The following CXADR variants were observed in gnomAD, a reference collection of about 807,000 sequenced individuals.
CXADR encodes CXADR cell adhesion molecule, also known as coxsackievirus and adenovirus receptor.
In CXADR, 20 loss-of-function variants were observed where a neutral mutation model predicts 40.3. That is an observed-to-expected ratio of 0.50 (90% CI 0.35 to 0.72). The LOEUF (loss-of-function observed/expected upper bound fraction) is 0.72. Ranked by LOEUF, CXADR falls within the 30% of genes least tolerant of loss-of-function variation. The pLI is 0.01. For missense variants in CXADR, 332 were observed against 449.1 expected (o/e 0.74, Z 2.36); for synonymous variants, 150 against 161.3 (o/e 0.93, Z 0.53).
In CXADR at chr21:17,518,477, A is replaced by G. The variant is rs1161439375; in HGVS notation, c.43+5305A>G. ...TGTGTCTGTAAAACTTTGGAACCAC[A>G]TAGCTGATTTGTTCAATCTAGTCCA... On this transcript the variant is annotated intron_variant, in intron 1 of 6. Coordinates refer to ENST00000284878, the MANE Select transcript of CXADR (RefSeq NM_001338.5). 1.4e-5 allele frequency: 11 copies of G among 763,120 alleles called. No homozygotes were observed. The African/African-American group carries it at 1.5e-4, about 11-fold the overall frequency. The allele number at this position is 763,120 out of a possible 1,614,324, so 47.3% of individuals were successfully genotyped here. A position where few individuals can be genotyped will look rare whatever the true frequency, so the allele number is the denominator to read the frequency against.
At chr21:17,590,436 ATAG>A (rs2061427076) in intron 7 of CXADR, among the ~76,000 whole-genome samples, 1 of 152,092 alleles carries the variant, frequency 6.6e-6, no homozygotes, top group African/African-American at 2.4e-5. Flanking sequence ...ACAAAGGAAC[ATAG>A]AAGATGGACT....
chr21:17,531,239 C>T (rs998358458), intron 1 of CXADR, among the ~76,000 whole-genome samples: 1 of 151,022 alleles, frequency 6.6e-6, no homozygotes, highest in African/African-American at 2.4e-5. Flanking sequence ...GCGGAGGTTG[C>T]AGTGAGCTGA....
intron 6 of CXADR, among the ~76,000 whole-genome samples, chr21:17,565,104 A>G (rs1296697645): frequency 6.6e-6 from 1 of 152,240 alleles, no homozygotes; most frequent in Non-Finnish European, 1.5e-5. Flanking sequence ...TTGACCAGTG[A>G]TACTAGAATA....
the CXADR span, chr21:17,612,749 G>GT: frequency 6.6e-6 from 1 of 152,512 alleles, no homozygotes. Flanking sequence ...CCCAGACCGT[G>GT]TCCTGGCCGG....
intron 2 of CXADR, among the ~76,000 whole-genome samples, chr21:17,549,805 G>A (rs1441509350): frequency 6.6e-6 from 1 of 152,156 alleles, no homozygotes; most frequent in Admixed American, 6.5e-5. Context: ...TGAACTCTAC[G>A]ACCTTTAGAG....
At chr21:17,625,960 G>A in the CXADR span, among the ~76,000 whole-genome samples, 1 of 152,172 alleles carries the variant, frequency 6.6e-6, no homozygotes, top group Non-Finnish European at 1.5e-5. Flanking sequence ...TGCACTGAGC[G>A]GGAGTCTGAA....
chr21:17,547,032 G>A lies in CXADR; in HGVS notation c.49G>A (p.Ala17Thr), dbSNP rs768087388. Residue 17 changes from alanine to threonine, a missense_variant, in exon 2 of 7, where the codon GCC (alanine) becomes ACC (threonine). Coordinates refer to ENST00000284878, the MANE Select transcript of CXADR (RefSeq NM_001338.5). ...TTGTACATTTCTTTCTCTAGATTTCGCCAGAAGTTTGAGTATCACTACTCC... is the reference window on the plus strand; with the variant it reads ...TTGTACATTTCTTTCTCTAGATTTCACCAGAAGTTTGAGTATCACTACTCC... ...FVLLCGVVDF[A>T]RSLSITTPEE... The A allele has an allele frequency of 3.0e-5, 48 of 1,612,224 alleles. No homozygotes were observed. Among genetic ancestry groups the A allele is most frequent in the East Asian group, 1.3e-4 (6 of 44,882 alleles).
At chr21:17,535,318 G>GCT (rs1479090266) in intron 1 of CXADR, among the ~76,000 whole-genome samples, 11 of 152,040 alleles carry the variant, frequency 7.2e-5, no homozygotes, top group Admixed American at 3.3e-4. Context: ...GTAAATATGA[G>GCT]CTCTCACTAT....
the CXADR span, among the ~76,000 whole-genome samples, chr21:17,604,621 T>C: frequency 6.6e-6 from 1 of 152,194 alleles, no homozygotes; most frequent in East Asian, 1.9e-4. Context: ...AATAAGCTTC[T>C]TGGCAAAGCA....
chr21:17,572,225 G>A (rs1162429966), downstream of CXADR, among the ~76,000 whole-genome samples: 1 of 131,388 alleles, frequency 7.6e-6, no homozygotes, highest in Admixed American at 7.8e-5. Flanking sequence ...AAAAAAATTA[G>A]GCAGGCGTGG....
chr21:17,631,875 G>A, the CXADR span, among the ~76,000 whole-genome samples: 7 of 152,152 alleles, frequency 4.6e-5, no homozygotes, highest in African/African-American at 1.7e-4. Context: ...CTTGAATTTG[G>A]ATCACGGCTC....
At chr21:17,616,556 C>T in the CXADR span, among the ~76,000 whole-genome samples, 6 of 152,012 alleles carry the variant, frequency 3.9e-5, no homozygotes, top group African/African-American at 7.2e-5. Flanking sequence ...AGGATGGTCT[C>T]GATCTCCTGA....
At chr21:17,577,612 CTTTTTTTTTTTTTTTTTT>C (rs532541050) in intron 7 of CXADR, among the ~76,000 whole-genome samples, 1 of 36,562 alleles carries the variant, frequency 2.7e-5, no homozygotes, top group East Asian at 1.1e-3. Flanking sequence ...ATTCTGCAAG[CTTTTTTTTTTTTTTTTTT>C]TTTTTTTTTT....
At chr21:17,545,788 T>G (rs2060889769) in intron 1 of CXADR, among the ~76,000 whole-genome samples, 6 of 151,498 alleles carry the variant, frequency 4.0e-5, no homozygotes, top group Admixed American at 6.6e-5. Flanking sequence ...TTTGTTTTTT[T>G]TTTTTTTTGA....
At chr21:17,518,901 G>T in intron 1 of CXADR, 1 of 1,578,434 alleles carries the variant, frequency 6.3e-7, no homozygotes, top group Non-Finnish European at 8.7e-7. Context: ...CATCAGCCAT[G>T]GCTGTTTTAT....
intron 1 of CXADR, among the ~76,000 whole-genome samples, chr21:17,531,925 T>C (rs958528023): frequency 7.7e-6 from 1 of 129,412 alleles, no homozygotes; most frequent in Non-Finnish European, 1.6e-5. Flanking sequence ...ATTCCTGATA[T>C]TTGTTTTTTG....
At chr21:17,517,511 A>G (rs2123099604) in intron 1 of CXADR, among the ~76,000 whole-genome samples, 1 of 152,328 alleles carries the variant, frequency 6.6e-6, no homozygotes, top group South Asian at 2.1e-4. Flanking sequence ...TTTTCTTCTG[A>G]TTCAAAAGCA....
chr21:17,622,854 A>G, the CXADR span, among the ~76,000 whole-genome samples: 5 of 152,322 alleles, frequency 3.3e-5, no homozygotes, highest in East Asian at 9.6e-4. Flanking sequence ...CCATTCTAAG[A>G]CACTAAAATG....
At chr21:17,555,214 C>G (rs2123283886) in intron 3 of CXADR, among the ~76,000 whole-genome samples, 1 of 152,280 alleles carries the variant, frequency 6.6e-6, no homozygotes, top group East Asian at 1.9e-4. Context: ...TTTTGAAGAG[C>G]AGAACATGCA....
Sources: gnomAD v4.1 joint callset for allele counts (sites outside exome capture counted in the v4.1 genomes callset) on GRCh38, gnomAD v4.1.1 for gene constraint, MANE v1.5 for transcripts, NCBI Gene and HGNC (gene_info 2026-07-23, HGNC 2026-07-21) for gene names.